SNX30: variants seen among roughly 807,000 people sequenced by gnomAD.
SNX30 encodes the protein sorting nexin-30.
SNX30 carries 24 observed loss-of-function variants against 46.4 expected under a neutral mutation model. The ratio of observed to expected loss-of-function variants is 0.52; its 90% CI spans 0.37 to 0.73. The LOEUF (loss-of-function observed/expected upper bound fraction) is 0.73. SNX30 is among the 30% of genes least tolerant of loss of function. The pLI is 0.00. For synonymous variants in SNX30, 189 were observed against 211.5 expected, an observed-to-expected ratio of 0.89 and a Z score of 0.92; for missense variants, 533 against 555.7, an observed-to-expected ratio of 0.96 and a Z score of 0.41.
At chr9:112,819,547 G>A (rs1024997410) in intron 3 of SNX30, among the ~76,000 whole-genome samples, 25 of 152,082 alleles carry the variant, frequency 1.6e-4, no homozygotes, top group African/African-American at 5.8e-4. Flanking sequence ...GATTACAGGT[G>A]TGAGCCACCA....
chr9:112,792,464 G>A (rs751348763), intron 1 of SNX30, among the ~76,000 whole-genome samples: 7 of 151,720 alleles, frequency 4.6e-5, no homozygotes, highest in Non-Finnish European at 1.0e-4. Flanking sequence ...TCTCTCCGTC[G>A]CCCAGCCTGG....
chr9:112,781,452 C>T (rs1191650946), intron 1 of SNX30, among the ~76,000 whole-genome samples: 1 of 151,962 alleles, frequency 6.6e-6, no homozygotes, highest in African/African-American at 2.4e-5. Context: ...TTATGCTTTT[C>T]CTTTATGGAT....
chr9:112,830,911 G>A (rs376723526), intron 4 of SNX30, 28 bp downstream of exon 4: 11 of 1,584,862 alleles, frequency 6.9e-6, no homozygotes, highest in African/African-American at 5.5e-5. Context: ...CATCCTCTTC[G>A]TCCATATTAC....
At chr9:112,822,259 A>G (rs531183825) in intron 3 of SNX30, among the ~76,000 whole-genome samples, 2 of 152,280 alleles carry the variant, frequency 1.3e-5, no homozygotes, top group African/African-American at 2.4e-5. Flanking sequence ...AACCAGAAGT[A>G]TGCTGGTTGT....
At chr9:112,841,441 C>T in intron 6 of SNX30, among the ~76,000 whole-genome samples, 1 of 152,160 alleles carries the variant, frequency 6.6e-6, no homozygotes, top group East Asian at 1.9e-4. Context: ...TTTACTGAGC[C>T]TGAAAAATCA....
intron 7 of SNX30, among the ~76,000 whole-genome samples, chr9:112,852,986 A>G (rs990684984): frequency 2.0e-5 from 3 of 152,166 alleles, no homozygotes; most frequent in African/African-American, 2.4e-5. Context: ...TGTTAATTGC[A>G]TCACAGGATC....
At chr9:112,789,739 C>T (rs1411622783) in intron 1 of SNX30, among the ~76,000 whole-genome samples, 1 of 152,120 alleles carries the variant, frequency 6.6e-6, no homozygotes, top group East Asian at 1.9e-4. Flanking sequence ...GGTAAGTTTG[C>T]CAAGGAATGT....
intron 7 of SNX30, among the ~76,000 whole-genome samples, chr9:112,851,546 G>A (rs1276476048): frequency 6.6e-6 from 1 of 152,244 alleles, no homozygotes; most frequent in Non-Finnish European, 1.5e-5. Context: ...AATCTTGCTT[G>A]TCTAGGATGC....
intron 4 of SNX30, among the ~76,000 whole-genome samples, chr9:112,833,695 G>A (rs1308239887): frequency 6.6e-6 from 1 of 152,108 alleles, no homozygotes; most frequent in Admixed American, 6.5e-5. Context: ...TACTTGAAGC[G>A]GAGCCTGTGC....
intron 1 of SNX30, among the ~76,000 whole-genome samples, chr9:112,754,559 C>T (rs1839320967): frequency 1.3e-5 from 2 of 152,044 alleles, no homozygotes; most frequent in Admixed American, 6.6e-5. Flanking sequence ...GTGACTGCCA[C>T]CACACCTGGC....
intron 1 of SNX30, among the ~76,000 whole-genome samples, chr9:112,774,400 G>A (rs1380288339): frequency 6.6e-6 from 1 of 152,120 alleles, no homozygotes; most frequent in Admixed American, 6.6e-5. Context: ...CTTACAGAAA[G>A]GAAAAAGGAT....
intron 4 of SNX30, among the ~76,000 whole-genome samples, chr9:112,832,843 TATATAATATATAATAA>T (rs1840690108): frequency 6.8e-6 from 1 of 146,710 alleles, no homozygotes; most frequent in South Asian, 2.1e-4. Context: ...AATATATTAA[TATATAATATATAATAA>T]ATATAATATA....
intron 4 of SNX30, 117 bp downstream of exon 4, chr9:112,831,000 T>C: frequency 5.5e-6 from 6 of 1,087,362 alleles, no homozygotes; most frequent in Non-Finnish European, 7.7e-6. Flanking sequence ...TAGCCGAGTG[T>C]GATGTTGTGC....
intron 7 of SNX30, among the ~76,000 whole-genome samples, chr9:112,852,936 C>T (rs1841052901): frequency 6.6e-6 from 1 of 152,172 alleles, no homozygotes; most frequent in African/African-American, 2.4e-5. Context: ...AAACCCACAC[C>T]TCAGAAATGA....
downstream of SNX30, chr9:112,877,910 G>A (rs1432486432): frequency 6.6e-6 from 1 of 152,092 alleles, no homozygotes; most frequent in African/African-American, 2.4e-5. Context: ...TAGAGATAGT[G>A]GTCTCGCTAT....
At chr9:112,862,505 T>G (rs958405692) in intron 7 of SNX30, among the ~76,000 whole-genome samples, 2 of 152,156 alleles carry the variant, frequency 1.3e-5, no homozygotes, top group Non-Finnish European at 2.9e-5. Flanking sequence ...GAGGCAAGAC[T>G]GGGATACTCT....
intron 6 of SNX30, among the ~76,000 whole-genome samples, chr9:112,850,178 C>G (rs934374014): frequency 3.9e-5 from 6 of 152,224 alleles, no homozygotes; most frequent in African/African-American, 1.4e-4. Context: ...AGGGCTGGCT[C>G]TCTTGGGGCC....
At chr9:112,832,742 G>A (rs529364919) in intron 4 of SNX30, among the ~76,000 whole-genome samples, 37 of 147,892 alleles carry the variant, frequency 2.5e-4, no homozygotes, top group Non-Finnish European at 4.8e-4. Context: ...AAATCTGCAC[G>A]TTGTGCACAT....
chr9:112,795,793 A>ACACACACG (rs1314355043), intron 1 of SNX30, among the ~76,000 whole-genome samples: 19 of 151,368 alleles, frequency 1.3e-4, no homozygotes, highest in African/African-American at 3.2e-4. Flanking sequence ...ACACACACAC[A>ACACACACG]CACGCACACA....
Sources: gnomAD v4.1 joint callset for allele counts (sites outside exome capture counted in the v4.1 genomes callset) on GRCh38, gnomAD v4.1.1 for gene constraint, MANE v1.5 for transcripts, NCBI Gene and HGNC (gene_info 2026-07-23, HGNC 2026-07-21) for gene names.